Variants in KMT2C observed in about 807,000 individuals in gnomAD.
KMT2C encodes the protein lysine methyltransferase 2C, also known as histone-lysine N-methyltransferase 2C.
In KMT2C, 88 loss-of-function variants were observed where a neutral mutation model predicts 507.9. The ratio of observed to expected loss-of-function variants is 0.17; its 90% CI spans 0.15 to 0.21. The LOEUF (loss-of-function observed/expected upper bound fraction) is 0.21, where lower values mean the gene tolerates loss of function less well. Ranked by LOEUF, KMT2C falls within the 10% of genes least tolerant of loss-of-function variation. KMT2C has a pLI of 1.00. For synonymous variants in KMT2C, 2,049 were observed against 2,080.8 expected (o/e 0.98, Z 0.42); for missense variants, 4,954 against 5,957.8 (o/e 0.83, Z 5.55).
chr7:152,260,414 C>T (rs745313164), intron 9 of KMT2C, among the ~76,000 whole-genome samples: 4 of 151,910 alleles, frequency 2.6e-5, no homozygotes, highest in Non-Finnish European at 4.4e-5. Context: ...AGAGCAAGAA[C>T]AAAAATTATC....
intron 14 of KMT2C, among the ~76,000 whole-genome samples, chr7:152,245,631 T>C (rs1400265582): frequency 5.3e-5 from 8 of 152,188 alleles, no homozygotes; most frequent in Non-Finnish European, 4.4e-5. Context: ...ATCCAATCAC[T>C]AGCTATCACA....
chr7:152,387,915 C>T (rs1589655055), intron 1 of KMT2C, among the ~76,000 whole-genome samples: 1 of 151,726 alleles, frequency 6.6e-6, no homozygotes, highest in Non-Finnish European at 1.5e-5. Context: ...TAAAACTGAA[C>T]TTGTGATGTA....
At chr7:152,255,150 T>TAC (rs2095638490) in intron 9 of KMT2C, among the ~76,000 whole-genome samples, 1 of 133,830 alleles carries the variant, frequency 7.5e-6, no homozygotes, top group Non-Finnish European at 1.6e-5. Flanking sequence ...TATATACATA[T>TAC]ATATATATGT....
At chr7:152,373,677 G>A (rs1363337616) in intron 1 of KMT2C, among the ~76,000 whole-genome samples, 4 of 152,078 alleles carry the variant, frequency 2.6e-5, no homozygotes, top group Admixed American at 1.3e-4. Context: ...TGTTAAAAGA[G>A]TTCTTTAAGA....
At position 152,178,015 on chromosome 7, in the gene KMT2C, T is replaced by TAAAAAAAAAA. The variant is rs746018833; in HGVS notation, c.7443-15_7443-6dup. 1.8e-5 allele frequency: 15 copies of TAAAAAAAAAA among 811,024 alleles called. No individual in the cohort carries two copies. The highest frequency in any genetic ancestry group is 1.5e-4 in the African/African-American group (5 of 32,414). 50.2% of individuals were successfully genotyped at this position (811,024 alleles called of 1,614,324 possible). A position where few individuals can be genotyped will look rare whatever the true frequency, so the allele number is the denominator to read the frequency against. ...CTACCTCCTGGAAATCCAAATCTTT[T>TAAAAAAAAAA]AAAAAAAAAAAAAAAAAAAAAAAAA... On this transcript the variant is annotated splice_polypyrimidine_tract_variant and splice_region_variant and intron_variant, in intron 37 of 58. Transcript: ENST00000262189.
intron 18 of KMT2C, among the ~76,000 whole-genome samples, chr7:152,226,492 A>G (rs10085887): frequency 0.013 from 1,989 of 152,200 alleles, 43 homozygotes; most frequent in African/African-American, 0.046. Flanking sequence ...TCGGCCTCCC[A>G]AAGTGCTGGG....
chr7:152,337,180 G>A (rs1203430018), intron 2 of KMT2C, among the ~76,000 whole-genome samples: 1 of 152,148 alleles, frequency 6.6e-6, no homozygotes, highest in African/African-American at 2.4e-5. Context: ...TGAGGTGGAA[G>A]AATCACTTGA....
At chr7:152,214,544 C>CTT (rs111689728) in intron 23 of KMT2C, among the ~76,000 whole-genome samples, 12 of 152,080 alleles carry the variant, frequency 7.9e-5, no homozygotes, top group Admixed American at 4.6e-4. Context: ...TTTTGTCATA[C>CTT]TTTTTTCCCC....
chr7:152,160,490 G>A (rs2092381216), intron 43 of KMT2C, among the ~76,000 whole-genome samples: 1 of 152,074 alleles, frequency 6.6e-6, no homozygotes, highest in African/African-American at 2.4e-5. Flanking sequence ...ATCTTCCTAA[G>A]TCTACATTCT....
At chr7:152,301,177 C>G (rs2096564017) in intron 6 of KMT2C, among the ~76,000 whole-genome samples, 1 of 144,214 alleles carries the variant, frequency 6.9e-6, no homozygotes, top group East Asian at 2.1e-4. Flanking sequence ...ACCTGGAAAA[C>G]AGAGCAAGAC....
chr7:152,253,188 A>G (rs1220663944), intron 9 of KMT2C, among the ~76,000 whole-genome samples: 3 of 152,060 alleles, frequency 2.0e-5, no homozygotes, highest in Admixed American at 6.6e-5. Flanking sequence ...GCTGTTTTCA[A>G]TGTCTGATGT....
At chr7:152,397,534 G>A (rs1417432920) in intron 1 of KMT2C, among the ~76,000 whole-genome samples, 1 of 152,098 alleles carries the variant, frequency 6.6e-6, no homozygotes, top group African/African-American at 2.4e-5. Flanking sequence ...GGTCTCCTAA[G>A]TTCCCCTCAT....
intron 6 of KMT2C, among the ~76,000 whole-genome samples, chr7:152,298,052 G>A (rs1477861093): frequency 6.6e-6 from 1 of 151,646 alleles, no homozygotes; most frequent in Non-Finnish European, 1.5e-5. Context: ...AACTGCAGAA[G>A]AAAAGATTAG....
intron 1 of KMT2C, among the ~76,000 whole-genome samples, chr7:152,379,640 G>C (rs1393369534): frequency 6.6e-6 from 1 of 152,270 alleles, no homozygotes; most frequent in Non-Finnish European, 1.5e-5. Flanking sequence ...ACTTGAGCTA[G>C]AGGATCACTT....
intron 7 of KMT2C, among the ~76,000 whole-genome samples, chr7:152,269,527 A>G (rs2095919685): frequency 6.6e-6 from 1 of 152,212 alleles, no homozygotes; most frequent in South Asian, 2.1e-4. Flanking sequence ...CAGAGACACT[A>G]AGTTTAAAGC....
intron 49 of KMT2C, among the ~76,000 whole-genome samples, chr7:152,151,997 G>C (rs997676159): frequency 6.6e-6 from 1 of 152,214 alleles, no homozygotes; most frequent in Non-Finnish European, 1.5e-5. Context: ...TGCAGAGTCA[G>C]AAATGAGGAA....
chr7:152,158,189 A>G (rs376786846), intron 44 of KMT2C, among the ~76,000 whole-genome samples: 1 of 152,250 alleles, frequency 6.6e-6, no homozygotes, highest in Non-Finnish European at 1.5e-5. Context: ...TGGGGCATCA[A>G]CTGAGGCTGG....
chr7:152,425,162 C>T (rs960613991), intron 1 of KMT2C, among the ~76,000 whole-genome samples: 1 of 152,140 alleles, frequency 6.6e-6, no homozygotes, highest in Non-Finnish European at 1.5e-5. Flanking sequence ...TTCTAGTATT[C>T]CATAATCTCT....
intron 1 of KMT2C, among the ~76,000 whole-genome samples, chr7:152,433,465 C>T (rs2097884196): frequency 6.6e-6 from 1 of 152,156 alleles, no homozygotes; most frequent in Non-Finnish European, 1.5e-5. Flanking sequence ...TTTCCATTTA[C>T]ATGTTGCTAA....
Sources: gnomAD v4.1 joint callset for allele counts (sites outside exome capture counted in the v4.1 genomes callset) on GRCh38, gnomAD v4.1.1 for gene constraint, MANE v1.5 for transcripts, NCBI Gene and HGNC (gene_info 2026-07-23, HGNC 2026-07-21) for gene names.